Variants in MGAT4C observed in about 807,000 individuals in gnomAD.
The protein encoded by MGAT4C is MGAT4 family member C.
Under a neutral mutation model 40.1 loss-of-function variants are expected in MGAT4C, and 19 were observed. The ratio of observed to expected loss-of-function variants is 0.47; its 90% CI spans 0.33 to 0.70. The LOEUF is 0.70. Ranked by LOEUF, MGAT4C falls within the 30% of genes least tolerant of loss-of-function variation. MGAT4C has a pLI of 0.02. For missense variants in MGAT4C, 491 were observed against 563.2 expected (o/e 0.87, Z 1.30); for synonymous variants, 181 against 187.1 (o/e 0.97, Z 0.27).
chr12:86,802,357 G>A (rs930072707), intron 1 of MGAT4C, among the ~76,000 whole-genome samples: 10 of 151,760 alleles, frequency 6.6e-5, no homozygotes, highest in Non-Finnish European at 1.3e-4. Flanking sequence ...TAAATATTCT[G>A]TTCCTTTTGA....
chr12:86,030,754 C>A (rs1322375899), intron 2 of MGAT4C, among the ~76,000 whole-genome samples: 1 of 151,688 alleles, frequency 6.6e-6, no homozygotes, highest in East Asian at 1.9e-4. Flanking sequence ...CTGATAATCA[C>A]AGAATATTCA....
At chr12:86,740,488 T>C (rs1951051681) in intron 1 of MGAT4C, among the ~76,000 whole-genome samples, 1 of 151,218 alleles carries the variant, frequency 6.6e-6, no homozygotes, top group South Asian at 2.1e-4. Context: ...TGCATTTAAT[T>C]AGAATATTAA....
At chr12:86,583,314 G>A (rs959380812) in intron 2 of MGAT4C, among the ~76,000 whole-genome samples, 8 of 151,182 alleles carry the variant, frequency 5.3e-5, no homozygotes, top group Admixed American at 1.3e-4. Flanking sequence ...GGGACATTCA[G>A]GCTATCAAAA....
At chr12:86,602,772 CTGAA>C (rs1383237112) in intron 2 of MGAT4C, among the ~76,000 whole-genome samples, 1 of 151,962 alleles carries the variant, frequency 6.6e-6, no homozygotes, top group African/African-American at 2.4e-5. Context: ...ATTAAGATTA[CTGAA>C]TGAAGGATCC....
intron 1 of MGAT4C, among the ~76,000 whole-genome samples, chr12:86,831,794 CTT>C (rs1208290212): frequency 6.6e-6 from 1 of 151,720 alleles, no homozygotes; most frequent in African/African-American, 2.4e-5. Flanking sequence ...ATATATTTTA[CTT>C]GCATGATAGA....
At chr12:86,095,050 G>A (rs1006251641) in intron 1 of MGAT4C, among the ~76,000 whole-genome samples, 3 of 152,102 alleles carry the variant, frequency 2.0e-5, no homozygotes, top group African/African-American at 7.2e-5. Context: ...AGTTGAGGAG[G>A]TAGTGGCATT....
At chr12:86,712,671 C>A (rs1300444064) in intron 2 of MGAT4C, among the ~76,000 whole-genome samples, 10 of 152,006 alleles carry the variant, frequency 6.6e-5, no homozygotes, top group Admixed American at 5.9e-4. Context: ...ATCTTCTAGC[C>A]ACAGTAGAAA....
intron 2 of MGAT4C, among the ~76,000 whole-genome samples, chr12:86,497,927 CATATA>C (rs1565804920): frequency 1.4e-5 from 2 of 142,776 alleles, no homozygotes; most frequent in Non-Finnish European, 3.1e-5. Flanking sequence ...CGCACACACA[CATATA>C]ATATTATATA....
At chr12:86,589,582 C>T (rs1256681177) in intron 2 of MGAT4C, among the ~76,000 whole-genome samples, 6 of 152,016 alleles carry the variant, frequency 3.9e-5, no homozygotes, top group African/African-American at 4.8e-5. Context: ...ATACCAAAGC[C>T]GGGCAGAGAC....
chr12:86,814,896 C>T (rs1250564948), intron 1 of MGAT4C, among the ~76,000 whole-genome samples: 5 of 151,922 alleles, frequency 3.3e-5, no homozygotes, highest in Admixed American at 2.0e-4. Flanking sequence ...CTTTCCAGCT[C>T]GCAGAACAGT....
intron 1 of MGAT4C, among the ~76,000 whole-genome samples, chr12:86,244,880 T>C (rs1035862739): frequency 6.6e-6 from 1 of 152,098 alleles, no homozygotes; most frequent in Non-Finnish European, 1.5e-5. Context: ...TATGGGTGAG[T>C]AATAATAATT....
chr12:86,518,078 G>A (rs1214766896), intron 2 of MGAT4C, among the ~76,000 whole-genome samples: 1 of 152,074 alleles, frequency 6.6e-6, no homozygotes, highest in Non-Finnish European at 1.5e-5. Flanking sequence ...AGAAATATGG[G>A]GCAAGATGAG....
At chr12:86,483,525 T>C (rs1957969555) in intron 2 of MGAT4C, among the ~76,000 whole-genome samples, 1 of 151,794 alleles carries the variant, frequency 6.6e-6, no homozygotes, top group South Asian at 2.1e-4. Context: ...GGAGTGCAAA[T>C]TATTGGAAGT....
intron 3 of MGAT4C, among the ~76,000 whole-genome samples, chr12:86,386,645 G>T (rs2136224706): frequency 6.6e-6 from 1 of 152,228 alleles, no homozygotes; most frequent in Non-Finnish European, 1.5e-5. Flanking sequence ...TTCACATTGT[G>T]ATCGAAAGTA....
chr12:86,323,130 GT>G (rs931196996), intron 4 of MGAT4C, among the ~76,000 whole-genome samples: 254 of 141,230 alleles, frequency 1.8e-3, no homozygotes, highest in African/African-American at 2.7e-3. Context: ...TTTCTTGGAA[GT>G]TTTTTTTTTT....
At chr12:86,749,715 G>C (rs1341382505) in intron 1 of MGAT4C, among the ~76,000 whole-genome samples, 1 of 151,748 alleles carries the variant, frequency 6.6e-6, no homozygotes, top group Non-Finnish European at 1.5e-5. Flanking sequence ...AGATTGTGCA[G>C]TGTGAAAATA....
At chr12:86,678,633 T>C (rs1298907800) in intron 2 of MGAT4C, among the ~76,000 whole-genome samples, 3 of 133,070 alleles carry the variant, frequency 2.3e-5, no homozygotes, top group Non-Finnish European at 4.7e-5. Context: ...CCTGTGTCCA[T>C]GTGTTCTCAT....
intron 1 of MGAT4C, among the ~76,000 whole-genome samples, chr12:86,121,102 C>T (rs1422485932): frequency 6.6e-6 from 1 of 152,070 alleles, no homozygotes; most frequent in Admixed American, 6.5e-5. Context: ...GACGCATGCA[C>T]AAGCTTCAGT....
chr12:85,968,460 G>C lies in MGAT4C; in HGVS notation c.*10829C>G, dbSNP rs1883465564. ...CCCAGATTCAATAGGAAGGCATGCA[G>C]AGTGTTCTCTATAAACCCAGCAAAA... On this transcript the variant is annotated 3_prime_UTR_variant, in exon 5 of 5. Transcript: ENST00000611864. 6.6e-6 allele frequency: 1 copy of C among 151,984 alleles called. No homozygotes were observed. Among genetic ancestry groups the C allele is most frequent in the Non-Finnish European group, 1.5e-5 (1 of 67,904 alleles). 9.4% of individuals were successfully genotyped at this position (151,984 alleles called of 1,614,324 possible). A position where few individuals can be genotyped will look rare whatever the true frequency, so the allele number is the denominator to read the frequency against.
Sources: allele counts gnomAD v4.1 joint callset (sites outside exome capture counted in the v4.1 genomes callset), GRCh38; gene constraint gnomAD v4.1.1; transcripts MANE v1.5; gene names NCBI Gene and HGNC (gene_info 2026-07-23, HGNC 2026-07-21).